Variants in KALRN observed in about 807,000 individuals in gnomAD.
KALRN encodes kalirin.
Under a neutral mutation model 353.7 loss-of-function variants are expected in KALRN, and 70 were observed. That is an observed-to-expected ratio of 0.20 (90% CI 0.16 to 0.24). The LOEUF (loss-of-function observed/expected upper bound fraction) is 0.24, where lower values mean the gene tolerates loss of function less well. KALRN is among the 10% of genes least tolerant of loss of function. The probability of loss-of-function intolerance (pLI) is 1.00; values close to 1 mark genes in which losing one functional copy is unlikely to be tolerated. For missense variants in KALRN, 2,791 were observed against 3,756.7 expected, an observed-to-expected ratio of 0.74 and a Z score of 6.72; for synonymous variants, 1,391 against 1,434.8, an observed-to-expected ratio of 0.97 and a Z score of 0.69.
chr3:124,690,232 TA>T (rs1205824233), intron 51 of KALRN, among the ~76,000 whole-genome samples: 5 of 151,872 alleles, frequency 3.3e-5, no homozygotes, highest in African/African-American at 1.2e-4. Context: ...TAATAATAAA[TA>T]AAACAATATG....
At chr3:124,496,511 T>TG in intron 33 of KALRN, 98 bp downstream of exon 33, 1 of 745,732 alleles carries the variant, frequency 1.3e-6, no homozygotes, top group Non-Finnish European at 2.4e-6. Flanking sequence ...CTATGGATCC[T>TG]ACCTTCAGGA....
In KALRN at chr3:124,482,812, T is replaced by C. The variant is rs759608802; in HGVS notation, c.4196T>C (p.Ile1399Thr). 57 of 1,609,248 alleles carry C rather than the reference T, an allele frequency of 3.5e-5. No individual in the cohort carries two copies. Among genetic ancestry groups the C allele is most frequent in the Admixed American group, 3.3e-5 (2 of 59,994 alleles). ...ACATTGTTCTCATCCCTGCAGGAGATACAACAGCGGCATGGTCTGGCCAAC... is the reference window on the plus strand; with the variant it reads ...ACATTGTTCTCATCCCTGCAGGAGACACAACAGCGGCATGGTCTGGCCAAC... ...LEHAGTFFDE[I>T]QQRHGLANSI... is the part of the protein sequence containing the mutation. The change falls in exon 28 of 60, where the codon ATA (isoleucine) becomes ACA (threonine). Residue 1399 changes from isoleucine to threonine, a missense_variant. By Grantham distance (89) the Ile-to-Thr change is moderately conservative. This residue lies in a region of KALRN where 54 missense variants were observed against 131.7 expected (regional missense o/e 0.41). Transcript: ENST00000682506.
chr3:124,400,933 A>C (rs2090776626), intron 13 of KALRN, among the ~76,000 whole-genome samples: 2 of 152,176 alleles, frequency 1.3e-5, no homozygotes, highest in African/African-American at 2.4e-5. Flanking sequence ...GTTTGGATTA[A>C]GTTTTATTTG....
At chr3:124,042,191 A>G (rs186103601) in intron 1 of KALRN, among the ~76,000 whole-genome samples, 90 of 152,302 alleles carry the variant, frequency 5.9e-4, no homozygotes, top group Admixed American at 1.6e-3. Context: ...GGGGCAGTAA[A>G]TGGTCCAGTT....
At chr3:124,372,721 G>A (rs886152763) in intron 10 of KALRN, among the ~76,000 whole-genome samples, 1 of 152,088 alleles carries the variant, frequency 6.6e-6, no homozygotes, top group African/African-American at 2.4e-5. Flanking sequence ...GAACTATTCT[G>A]TATTGTTGAG....
chr3:124,200,973 G>A (rs1417551706), intron 1 of KALRN, among the ~76,000 whole-genome samples: 2 of 152,198 alleles, frequency 1.3e-5, no homozygotes, highest in East Asian at 3.9e-4. Context: ...TGGCACTAAG[G>A]AAGATGTGAC....
At chr3:124,408,856 C>G (rs1177992438) in intron 13 of KALRN, among the ~76,000 whole-genome samples, 2 of 152,186 alleles carry the variant, frequency 1.3e-5, no homozygotes, top group Non-Finnish European at 2.9e-5. Context: ...GGAGAGAGCT[C>G]TCTGAAAGCA....
At chr3:124,478,733 T>C (rs896932943) in intron 27 of KALRN, among the ~76,000 whole-genome samples, 1 of 152,234 alleles carries the variant, frequency 6.6e-6, no homozygotes, top group Non-Finnish European at 1.5e-5. Context: ...TCATGAACAA[T>C]ATCCAGAAGG....
chr3:124,669,245 A>G (rs1007173939), intron 47 of KALRN, among the ~76,000 whole-genome samples: 2 of 152,232 alleles, frequency 1.3e-5, no homozygotes, highest in African/African-American at 2.4e-5. Flanking sequence ...ACAAAACTGC[A>G]GTATAGGTGC....
intron 33 of KALRN, among the ~76,000 whole-genome samples, chr3:124,527,801 G>C (rs2109098559): frequency 6.6e-6 from 1 of 152,198 alleles, no homozygotes; most frequent in South Asian, 2.1e-4. Context: ...GTCAAGAGAA[G>C]CCTTTCTGAT....
intron 33 of KALRN, among the ~76,000 whole-genome samples, chr3:124,498,490 G>T (rs781724010): frequency 2.0e-5 from 3 of 152,184 alleles, no homozygotes; most frequent in Non-Finnish European, 4.4e-5. Flanking sequence ...GGGGCAAAAT[G>T]GCTGGTCTCA....
At chr3:124,408,443 C>A (rs1349740746) in intron 13 of KALRN, among the ~76,000 whole-genome samples, 1 of 152,212 alleles carries the variant, frequency 6.6e-6, no homozygotes, top group Non-Finnish European at 1.5e-5. Flanking sequence ...TCTACCACCA[C>A]CAGCTCTGAG....
At chr3:124,073,882 G>T (rs9812956) in intron 1 of KALRN, among the ~76,000 whole-genome samples, 43,822 of 151,908 alleles carry the variant, frequency 0.29, 7,218 homozygotes, top group East Asian at 0.46. Flanking sequence ...TTTTGTCTCT[G>T]ATTTCTCCAT....
At chr3:124,129,658 T>C (rs1020807453) in intron 1 of KALRN, among the ~76,000 whole-genome samples, 7 of 152,168 alleles carry the variant, frequency 4.6e-5, no homozygotes, top group Non-Finnish European at 8.8e-5. Flanking sequence ...TCTTCTGTTG[T>C]AAAGAAGACC....
chr3:124,417,023 C>G (rs1380677521), intron 14 of KALRN, among the ~76,000 whole-genome samples: 4 of 152,180 alleles, frequency 2.6e-5, no homozygotes, highest in Admixed American at 6.5e-5. Flanking sequence ...GGTGTGCCTA[C>G]AACTCTAACC....
At chr3:124,638,220 T>G (rs578169059) in intron 37 of KALRN, among the ~76,000 whole-genome samples, 1 of 152,262 alleles carries the variant, frequency 6.6e-6, no homozygotes, top group East Asian at 1.9e-4. Flanking sequence ...TATGGAAAGC[T>G]ACCTAATAAT....
intron 33 of KALRN, chr3:124,519,635 T>TTGA (rs2066997105): frequency 1.0e-6 from 1 of 985,264 alleles, no homozygotes; most frequent in African/African-American, 1.7e-5. Flanking sequence ...AGGATGTGAC[T>TTGA]TGTTCAGTGT....
At chr3:124,658,572 A>T in intron 42 of KALRN, 55 bp downstream of exon 42, 1 of 1,325,624 alleles carries the variant, frequency 7.5e-7, no homozygotes, top group Non-Finnish European at 1.1e-6. Flanking sequence ...AGGCCAAAAC[A>T]GCCACTTTCA....
chr3:124,295,717 T>C (rs2076794771), intron 5 of KALRN, among the ~76,000 whole-genome samples: 1 of 152,190 alleles, frequency 6.6e-6, no homozygotes, highest in African/African-American at 2.4e-5. Flanking sequence ...ATTTCAGACT[T>C]TCATTAACTT....
Sources: allele counts gnomAD v4.1 joint callset (sites outside exome capture counted in the v4.1 genomes callset), GRCh38; gene constraint gnomAD v4.1.1; regional missense constraint gnomAD v4.1.1; transcripts MANE v1.5; gene names NCBI Gene and HGNC (gene_info 2026-07-23, HGNC 2026-07-21).